ANKRD24: variants seen among roughly 807,000 people sequenced by gnomAD.
The protein encoded by ANKRD24 is ankyrin repeat domain-containing protein 24.
A neutral mutation model predicts 127.8 loss-of-function variants in ANKRD24; 109 were observed. The observed-to-expected ratio is 0.85, with a 90% confidence interval of 0.73 to 1.00. ANKRD24 has a LOEUF of 1.00. Ranked by LOEUF, ANKRD24 falls within the 50% of genes least tolerant of loss-of-function variation. ANKRD24 has a pLI of 0.00. For missense variants in ANKRD24, 1,648 were observed against 1,570.2 expected (o/e 1.05, Z -0.84); for synonymous variants, 743 against 671.1 (o/e 1.11, Z -1.66).
rs897790907 is a variant in ANKRD24 at position 4,224,768 on chromosome 19, C to T, written c.*263C>T. ...CGGAGACTGTGATTCCCTGTGTCCT[C>T]CACATCCAGACGCCAGCCCAGGAAT... On this transcript the variant is annotated 3_prime_UTR_variant, in exon 22 of 22. Coordinates refer to ENST00000318934, the MANE Select transcript of ANKRD24 (RefSeq NM_001393985.1). 2 of 527,858 alleles carry T rather than the reference C, an allele frequency of 3.8e-6. No individual in the cohort carries two copies. The highest frequency in any genetic ancestry group is 3.8e-5 in the African/African-American group (2 of 52,376). The allele number at this position is 527,858 out of a possible 1,614,324, so 32.7% of individuals were successfully genotyped here.
In ANKRD24 at chr19:4,224,575, C is replaced by G. The variant is rs1970638823; in HGVS notation, c.*70C>G. On this transcript the variant is annotated 3_prime_UTR_variant, in exon 22 of 22. Coordinates refer to ENST00000318934, the MANE Select transcript of ANKRD24 (RefSeq NM_001393985.1). ...ACCTCACCCCCCTGCAGGCCCCTTG[C>G]AGACCGGCTTCACTTGGCTTCACTT... 2 of 1,435,914 alleles carry G rather than the reference C, an allele frequency of 1.4e-6. No homozygotes were observed. The highest frequency in any genetic ancestry group is 1.9e-6 in the Non-Finnish European group (2 of 1,043,870). The allele number at this position is 1,435,914 out of a possible 1,614,324, so 88.9% of individuals were successfully genotyped here.
At position 4,215,980 on chromosome 19, in the gene ANKRD24, C is replaced by A. The variant is rs372806236; in HGVS notation, c.1200C>A (p.Asn400Lys). The A allele has an allele frequency of 1.3e-6, 2 of 1,588,446 alleles. No homozygotes were observed. Among genetic ancestry groups the A allele is most frequent in the Non-Finnish European group, 1.7e-6 (2 of 1,168,584 alleles). The change falls in exon 16 of 22, where the codon AAC becomes AAA. Residue 400 changes from asparagine (N) to lysine (K), a missense_variant and splice_region_variant. Coordinates refer to ENST00000318934, the MANE Select transcript of ANKRD24 (RefSeq NM_001393985.1). Reference protein sequence around the residue: ...SLQSRLSLLENERENTSYDVT... With the variant: ...SLQSRLSLLEKERENTSYDVT... ...TGGACTCTGCTCCCTCCCCCCAGAACGAGCGGGAGAATACTAGCTATGACG... is the reference window on the plus strand; with the variant it reads ...TGGACTCTGCTCCCTCCCCCCAGAAAGAGCGGGAGAATACTAGCTATGACG...
intron 15 of ANKRD24, among the ~76,000 whole-genome samples, chr19:4,213,850 G>A (rs941784875): frequency 1.3e-5 from 2 of 152,094 alleles, no homozygotes; most frequent in African/African-American, 4.8e-5. Context: ...GGCCAGGCTG[G>A]TCTTGAACTC....
chr19:4,191,938 C>T (rs1181181698), intron 2 of ANKRD24, among the ~76,000 whole-genome samples: 4 of 135,312 alleles, frequency 3.0e-5, no homozygotes, highest in Admixed American at 7.5e-5. Flanking sequence ...CCTATCACCA[C>T]GTCTAGCTAA....
intron 15 of ANKRD24, among the ~76,000 whole-genome samples, 190 bp from the exon 16 acceptor site, chr19:4,215,788 A>AAG (rs1230710856): frequency 6.7e-6 from 1 of 149,698 alleles, no homozygotes; most frequent in Non-Finnish European, 1.5e-5. Flanking sequence ...AAAAAAAAAA[A>AAG]GTGGCACGGG....
intron 2 of ANKRD24, among the ~76,000 whole-genome samples, chr19:4,188,526 G>A (rs374013822): frequency 2.0e-5 from 3 of 151,868 alleles, no homozygotes; most frequent in Admixed American, 6.6e-5. Context: ...AGAGACTATA[G>A]GCGTGCACCA....
intron 7 of ANKRD24, among the ~76,000 whole-genome samples, chr19:4,203,339 G>A (rs923685373): frequency 4.1e-5 from 6 of 146,364 alleles, no homozygotes; most frequent in East Asian, 2.1e-4. Context: ...GTGAGCCACC[G>A]CTCCTGGCCT....
Position 4,212,682 on chromosome 19 carries a change from G to T in ANKRD24, c.1181G>T (p.Arg394Leu). ...LGREVESLQS[R>L]LSLLENEREN... ...CGGGAGGTGGAGAGTTTGCAGAGCC[G>T]GCTGTCCCTGCTGGAGGTAGGAGCA... The change falls in exon 15 of 22, where the codon CGG becomes CTG. Residue 394 changes from arginine to leucine, a missense_variant. By Grantham distance (102) the Arg-to-Leu change is moderately radical. Coordinates refer to ENST00000318934, the MANE Select transcript of ANKRD24 (RefSeq NM_001393985.1). The T allele has an allele frequency of 1.3e-6, 2 of 1,550,972 alleles. No individual in the cohort carries two copies. Among genetic ancestry groups the T allele is most frequent in the Non-Finnish European group, 1.7e-6 (2 of 1,146,996 alleles).
Position 4,222,763 on chromosome 19 carries a change from G to T in ANKRD24, c.3265G>T (p.Asp1089Tyr). 1 of 1,611,326 alleles carries T rather than the reference G, an allele frequency of 6.2e-7. No individual in the cohort carries two copies. The highest frequency in any genetic ancestry group is 1.1e-5 in the South Asian group (1 of 90,706). The change falls in exon 20 of 22, where the codon GAC becomes TAC. Residue 1089 changes from aspartate (D) to tyrosine (Y), a missense_variant. Physicochemically the swap from Asp to Tyr is radical, Grantham distance 160. Transcript: ENST00000318934. ...CACCCCTGAGGTGGAGGCTCTCCGT[G>T]ACCAGGTGAAGGATTTACAGCAGCA... ...LATPEVEALR[D>Y]QVKDLQQQLQ...
rs201865660 is a variant in ANKRD24 at position 4,207,579 on chromosome 19, G to T, written c.616G>T (p.Ala206Ser). 35 of 1,613,754 alleles carry T rather than the reference G, an allele frequency of 2.2e-5. No homozygotes were observed. The South Asian group carries it at 3.4e-4, about 16-fold the overall frequency. ...CCGTCTCCTACTGCAGCAAGGGGCTGCCGCGAACGATCAGGACCTGCAAGG... is the reference window on the plus strand; with the variant it reads ...CCGTCTCCTACTGCAGCAAGGGGCTTCCGCGAACGATCAGGACCTGCAAGG... ...LCRLLLQQGA[A>S]ANDQDLQGRT... Residue 206 changes from alanine to serine, a missense_variant, in exon 9 of 22, where the codon GCC (alanine) becomes TCC (serine). Physicochemically the swap from Ala to Ser is moderately conservative, Grantham distance 99 (BLOSUM62 1). Coordinates refer to ENST00000318934, the MANE Select transcript of ANKRD24 (RefSeq NM_001393985.1).
In ANKRD24 at chr19:4,216,967, G is replaced by A. The variant is rs1970122301; in HGVS notation, c.1807G>A (p.Gly603Arg). 3 of 1,612,796 alleles carry A rather than the reference G, an allele frequency of 1.9e-6. No individual in the cohort carries two copies. The highest frequency in any genetic ancestry group is 8.5e-7 in the Non-Finnish European group (1 of 1,179,478). ...GAKVTETKPT[G>R]AEVREMETTE... ...CAAGGTCACAGAAACAAAACCCACAGGGGCTGAGGTCAGAGAAATGGAGAC... is the reference window on the plus strand; with the variant it reads ...CAAGGTCACAGAAACAAAACCCACAAGGGCTGAGGTCAGAGAAATGGAGAC... Residue 603 changes from glycine (G) to arginine (R), a missense_variant, in exon 18 of 22, where the codon GGG becomes AGG. By Grantham distance (125) the Gly-to-Arg change is moderately radical. Coordinates refer to ENST00000318934, the MANE Select transcript of ANKRD24 (RefSeq NM_001393985.1).
chr19:4,189,029 C>G (rs1225207150), intron 2 of ANKRD24, among the ~76,000 whole-genome samples: 1 of 151,578 alleles, frequency 6.6e-6, no homozygotes, highest in Non-Finnish European at 1.5e-5. Context: ...AGGCTGGTCT[C>G]GAGCTTCCGA....
Position 4,195,095 on chromosome 19 carries a change from G to T in ANKRD24, c.37-4588G>T, listed in dbSNP as rs1269348936. The stretch of plus-strand genomic sequence containing the variant: ...TTGTTTGTTTGTTTGTTTTTAGAGA[G>T]GGAGTCTCACTCTGTCACCCAGGTT... On this transcript the variant is annotated intron_variant, in intron 2 of 21. Coordinates refer to ENST00000318934, the MANE Select transcript of ANKRD24 (RefSeq NM_001393985.1). The surrounding 1 kb of genome is among the most constrained non-coding windows in gnomAD (Gnocchi z 4.2). 2.4e-5 allele frequency among the ~76,000 whole-genome samples: 3 copies of T among 122,738 alleles called. No homozygotes were observed. Among genetic ancestry groups the T allele is most frequent in the Middle Eastern group, 4.0e-3 (1 of 252 alleles). 80.5% of individuals were successfully genotyped at this position (122,738 alleles called of 152,430 possible).
intron 2 of ANKRD24, among the ~76,000 whole-genome samples, chr19:4,194,942 G>A (rs115901843): frequency 1.3e-3 from 203 of 151,940 alleles, no homozygotes; most frequent in African/African-American, 4.4e-3. Context: ...ACACCTCAGT[G>A]GGCTCCGAGG....
chr19:4,199,912 A>G lies in ANKRD24; in HGVS notation c.161A>G (p.Gln54Arg). Residue 54 changes from glutamine to arginine, a missense_variant, in exon 4 of 22, where the codon CAA (glutamine) becomes CGA (arginine). Coordinates refer to ENST00000318934, the MANE Select transcript of ANKRD24 (RefSeq NM_001393985.1). This position sits in a 1 kb window ranked among gnomAD's most constrained non-coding sequence, Gnocchi z 5.2. ...GGCAAGAGTGACGAGAGGCTGCTAC[A>G]AGCCGTGGAAAACAACGATGCACCT... The part of the protein sequence containing the change: ...DWGKSDERLL[Q>R]AVENNDAPRV... 3.8e-6 allele frequency: 6 copies of G among 1,570,992 alleles called. No homozygotes were observed. The highest frequency in any genetic ancestry group is 5.2e-6 in the Non-Finnish European group (6 of 1,159,058).
At chr19:4,211,747 A>G (rs765160243) in intron 13 of ANKRD24, among the ~76,000 whole-genome samples, 4 of 152,166 alleles carry the variant, frequency 2.6e-5, no homozygotes, top group Admixed American at 6.6e-5. Context: ...AGTACATAGT[A>G]ATTGTCCAGA....
intron 2 of ANKRD24, among the ~76,000 whole-genome samples, chr19:4,197,365 GGAAT>G (rs59999057): frequency 0.38 from 57,489 of 151,326 alleles, 11,353 homozygotes; most frequent in Non-Finnish European, 0.44. Flanking sequence ...AATGAGTGTG[GGAAT>G]GAATGAATGA....
chr19:4,224,567 G>A lies in ANKRD24; in HGVS notation c.*62G>A. The stretch of plus-strand genomic sequence containing the variant: ...ACGCAGGGACCTCACCCCCCTGCAG[G>A]CCCCTTGCAGACCGGCTTCACTTGG... On this transcript the variant is annotated 3_prime_UTR_variant, in exon 22 of 22. Transcript: ENST00000318934. 6.8e-7 allele frequency: 1 copy of A among 1,475,720 alleles called. No homozygotes were observed. Among genetic ancestry groups the A allele is most frequent in the Non-Finnish European group, 9.3e-7 (1 of 1,077,562 alleles). 91.4% of individuals were successfully genotyped at this position (1,475,720 alleles called of 1,614,324 possible).
chr19:4,188,111 C>T (rs1968169648), intron 2 of ANKRD24, among the ~76,000 whole-genome samples: 1 of 152,078 alleles, frequency 6.6e-6, no homozygotes, highest in African/African-American at 2.4e-5. Context: ...GAGTTTCCCT[C>T]TTGTCGCCCA....
Sources: allele counts gnomAD v4.1 joint callset (sites outside exome capture counted in the v4.1 genomes callset), GRCh38; gene constraint gnomAD v4.1.1; non-coding constraint Gnocchi (gnomAD v3.1); transcripts MANE v1.5; gene names NCBI Gene and HGNC (gene_info 2026-07-23, HGNC 2026-07-21).